Variants in BRAP observed in about 807,000 individuals in gnomAD.
BRAP encodes BRCA1 associated protein.
BRAP carries 42 observed loss-of-function variants against 73.4 expected under a neutral mutation model. The observed-to-expected ratio is 0.57, with a 90% CI of 0.45 to 0.74. The LOEUF (loss-of-function observed/expected upper bound fraction) is 0.74. Ranked by LOEUF, BRAP falls within the 30% of genes least tolerant of loss-of-function variation. The probability of loss-of-function intolerance (pLI) is 0.00; values close to 1 mark genes in which losing one functional copy is unlikely to be tolerated. For synonymous variants in BRAP, 255 were observed against 267.4 expected (o/e 0.95, Z 0.45); for missense variants, 593 against 751.4 (o/e 0.79, Z 2.46).
intron 6 of BRAP, among the ~76,000 whole-genome samples, chr12:111,663,920 C>G (rs543728055): frequency 3.3e-5 from 5 of 152,304 alleles, no homozygotes; most frequent in African/African-American, 1.2e-4. Flanking sequence ...AAATTCTTAT[C>G]TTTGGGCCTG....
intron 3 of BRAP, 117 bp downstream of exon 3, chr12:111,681,520 T>G: frequency 2.6e-6 from 2 of 769,406 alleles, no homozygotes; most frequent in East Asian, 2.7e-5. Flanking sequence ...GACAAAAGTA[T>G]TATTATTTTG....
Position 111,673,100 on chromosome 12 carries a change from GT to G in BRAP, c.634-327del, listed in dbSNP as rs577404659. 27 of 247,582 alleles carry G rather than the reference GT, an allele frequency of 1.1e-4. No individual in the cohort carries two copies. The South Asian group carries it at 2.4e-3, about 22-fold the overall frequency. 15.3% of individuals were successfully genotyped at this position (247,582 alleles called of 1,614,324 possible). A position where few individuals can be genotyped will look rare whatever the true frequency, so the allele number is the denominator to read the frequency against. On this transcript the variant is annotated intron_variant, in intron 4 of 11. Transcript: ENST00000419234. ...ACAGTCAACATTTCCCTTAATAGCA[GT>G]TTTTTTTCCCTCTAGTCATCACTTG...
At chr12:111,685,671 G>A (rs748004995) in intron 1 of BRAP, 40 bp downstream of exon 1, 4 of 1,580,416 alleles carry the variant, frequency 2.5e-6, no homozygotes, top group African/African-American at 1.3e-5. Flanking sequence ...TCCGGGCCCA[G>A]ACCCGGCTAC....
At chr12:111,660,779 T>C (rs1886719068) in intron 6 of BRAP, 104 bp from the exon 7 acceptor site, 1 of 820,850 alleles carries the variant, frequency 1.2e-6, no homozygotes, top group Non-Finnish European at 1.9e-6. Flanking sequence ...TCCTCTTATA[T>C]GCTATTTTTA....
At chr12:111,654,516 A>G (rs1886444232) in intron 10 of BRAP, among the ~76,000 whole-genome samples, 1 of 152,094 alleles carries the variant, frequency 6.6e-6, no homozygotes, top group Admixed American at 6.6e-5. Flanking sequence ...GGGTTTCGCC[A>G]TGTTGGCCAG....
Position 111,665,854 on chromosome 12 carries a change from T to C in BRAP, c.748-67A>G, listed in dbSNP as rs113395017. ...AGCAATACTTTATTTTTCCTTCTTT[T>C]TTCTGAGACAGGGTCTCGCTCTCTG... On this transcript the variant is annotated intron_variant, in intron 5 of 11. Coordinates refer to ENST00000419234, the MANE Select transcript of BRAP (RefSeq NM_006768.5). This position sits in a 1 kb window ranked among gnomAD's most constrained non-coding sequence, Gnocchi z 4.3. 1,184 of 1,597,092 alleles carry C rather than the reference T, an allele frequency of 7.4e-4. 14 individuals are homozygous for C. The African/African-American group carries it at 0.013, about 18-fold the overall frequency.
Position 111,644,677 on chromosome 12 carries a change from C to T in BRAP, c.1416-115G>A, listed in dbSNP as rs77913600. ...CCTCAGAATCCCTTTAGGACAGACC[C>T]CTTTCTCCCATCGTGAGGGAGAATG... On this transcript the variant is annotated intron_variant, in intron 11 of 11. Transcript: ENST00000419234. 8,213 of 1,446,206 alleles carry T rather than the reference C, an allele frequency of 5.7e-3. 405 individuals carry two copies. The African/African-American group carries it at 0.1, about 18-fold the overall frequency. The allele number at this position is 1,446,206 out of a possible 1,614,324, so 89.6% of individuals were successfully genotyped here.
intron 11 of BRAP, among the ~76,000 whole-genome samples, chr12:111,645,683 A>T (rs1401145173): frequency 1.3e-5 from 2 of 152,174 alleles, no homozygotes; most frequent in East Asian, 3.9e-4. Flanking sequence ...TGCAAATGAA[A>T]CCACCATTTG....
Position 111,675,169 on chromosome 12 carries a change from G to A in BRAP, c.634-2395C>T, listed in dbSNP as rs1390583057. Among the ~76,000 whole-genome samples, 5 of 152,064 alleles carry A rather than the reference G, an allele frequency of 3.3e-5. No homozygotes were observed. In the East Asian group the frequency reaches 7.7e-4, roughly 24 times the overall value. ...CCAGCTATTTGGGAGGCTGAGGTGG[G>A]AGGATAGCTTGAGCCCAGGAGGTGA... On this transcript the variant is annotated intron_variant, in intron 4 of 11. Coordinates refer to ENST00000419234, the MANE Select transcript of BRAP (RefSeq NM_006768.5).
chr12:111,650,191 G>A (rs1286382771), intron 10 of BRAP, 149 bp from the exon 11 acceptor site: 1 of 469,236 alleles, frequency 2.1e-6, no homozygotes, highest in Non-Finnish European at 3.7e-6. Flanking sequence ...TTTCCAGGCA[G>A]GGGAAAAAAA....
At position 111,651,795 on chromosome 12, in the gene BRAP, G is replaced by A. The variant is rs796532393; in HGVS notation, c.1312-1753C>T. Among the ~76,000 whole-genome samples the A allele has an allele frequency of 2.0e-5, 3 of 151,298 alleles. No individual in the cohort carries two copies. In the South Asian group the frequency reaches 6.3e-4, roughly 32 times the overall value. On this transcript the variant is annotated intron_variant, in intron 10 of 11. Transcript: ENST00000419234. ...TGGGACTACAGGTGCATGCCACCAC[G>A]CCCAGCTAATTTTTGTATTTTTAGT...
Position 111,659,301 on chromosome 12 carries a change from C to T in BRAP, c.1017G>A (p.Arg339=). The change falls in exon 8 of 12, where the codon CGG becomes CGA. Residue 339 remains arginine, a synonymous_variant. Coordinates refer to ENST00000419234, the MANE Select transcript of BRAP (RefSeq NM_006768.5). ...CLICGHIGCG[R]YVSRHAYKHF... The stretch of plus-strand genomic sequence containing the variant: ...GCTTATAAGCATGTCGACTGACATA[C>T]CGTCCACATCCTATGTGGCCGCATA... The T allele has an allele frequency of 6.2e-7, 1 of 1,614,058 alleles. No individual in the cohort carries two copies. Among genetic ancestry groups the T allele is most frequent in the Non-Finnish European group, 8.5e-7 (1 of 1,179,932 alleles).
Position 111,643,453 on chromosome 12 carries a change from A to G in BRAP, c.*746T>C, listed in dbSNP as rs1742187451. 6.6e-6 allele frequency: 1 copy of G among 152,188 alleles called. No homozygotes were observed. The highest frequency in any genetic ancestry group is 1.5e-5 in the Non-Finnish European group (1 of 68,038). The allele number at this position is 152,188 out of a possible 1,614,324, so 9.4% of individuals were successfully genotyped here. A position where few individuals can be genotyped will look rare whatever the true frequency, so the allele number is the denominator to read the frequency against. On this transcript the variant is annotated 3_prime_UTR_variant, in exon 12 of 12. Transcript: ENST00000419234. ...CTGAGATTTGAGTTTGGGAACAGCC[A>G]TTAAGCCTCCTCCTTAATTGCGGTT...
chr12:111,663,543 T>G (rs1886830834), intron 6 of BRAP, among the ~76,000 whole-genome samples: 1 of 152,200 alleles, frequency 6.6e-6, no homozygotes, highest in Non-Finnish European at 1.5e-5. Flanking sequence ...CCTGATGAGA[T>G]CTTTGGGAGC....
rs781455800 is a variant in BRAP, at chr12:111,665,609, T to C, written c.896+30A>G. On this transcript the variant is annotated intron_variant, in intron 6 of 11. Coordinates refer to ENST00000419234, the MANE Select transcript of BRAP (RefSeq NM_006768.5). This position sits in a 1 kb window ranked among gnomAD's most constrained non-coding sequence, Gnocchi z 4.3. The stretch of plus-strand genomic sequence containing the variant: ...TTCTGGAAGGGTTGCAATGGGCTTG[T>C]ACACAGAGGGGTTCGGCCCCTGCAC... The C allele has an allele frequency of 5.0e-6, 8 of 1,613,296 alleles. No individual in the cohort carries two copies. In the East Asian group the frequency reaches 1.1e-4, roughly 22 times the overall value.
At chr12:111,671,766 C>T (rs1467877439) in intron 5 of BRAP, among the ~76,000 whole-genome samples, 1 of 149,542 alleles carries the variant, frequency 6.7e-6, no homozygotes, top group Non-Finnish European at 1.5e-5. Context: ...CTCACTATAG[C>T]CTGGACCTCC....
At position 111,642,425 on chromosome 12, in the gene BRAP, T is replaced by C. The variant is rs1885931742; in HGVS notation, c.*1774A>G. 6.6e-6 allele frequency: 1 copy of C among 152,160 alleles called. No homozygotes were observed. The highest frequency in any genetic ancestry group is 1.5e-5 in the Non-Finnish European group (1 of 68,030). 9.4% of individuals were successfully genotyped at this position (152,160 alleles called of 1,614,324 possible). A position where few individuals can be genotyped will look rare whatever the true frequency, so the allele number is the denominator to read the frequency against. ...TCTGGGCACAGCCTTTCAGAGCATT[T>C]ATCCCACCTGTACTGAAAAATCTGT... On this transcript the variant is annotated 3_prime_UTR_variant, in exon 12 of 12. Transcript: ENST00000419234.
intron 2 of BRAP, among the ~76,000 whole-genome samples, chr12:111,682,848 G>A (rs573366873): frequency 6.3e-4 from 96 of 152,218 alleles, no homozygotes; most frequent in African/African-American, 2.1e-3. Flanking sequence ...GGAGGCTGAG[G>A]TTGTAATGAC....
intron 8 of BRAP, 62 bp downstream of exon 8, chr12:111,659,145 C>A (rs1174432983): frequency 1.3e-6 from 2 of 1,551,306 alleles, no homozygotes; most frequent in African/African-American, 1.4e-5. Context: ...AAAGTGAAGG[C>A]GTTGTGAAGG....
Sources: gnomAD v4.1 joint callset for allele counts (sites outside exome capture counted in the v4.1 genomes callset) on GRCh38, gnomAD v4.1.1 for gene constraint, Gnocchi (gnomAD v3.1) non-coding constraint, MANE v1.5 for transcripts, NCBI Gene and HGNC (gene_info 2026-07-23, HGNC 2026-07-21) for gene names.